Variants in SBF2 observed in about 807,000 individuals in gnomAD.
The protein encoded by SBF2 is myotubularin-related protein 13.
Under a neutral mutation model 225.2 loss-of-function variants are expected in SBF2, and 112 were observed. That is an observed-to-expected ratio of 0.50 (90% CI 0.43 to 0.58). SBF2 has a LOEUF of 0.58. Among genes scored for constraint, SBF2 ranks in the 20% least tolerant of loss-of-function variants. The probability of loss-of-function intolerance (pLI) is 0.00; values close to 1 mark genes in which losing one functional copy is unlikely to be tolerated. For missense variants in SBF2, 1,996 were observed against 2,206.2 expected, an observed-to-expected ratio of 0.90 and a Z score of 1.91; for synonymous variants, 763 against 773.3, an observed-to-expected ratio of 0.99 and a Z score of 0.22.
At position 10,062,139 on chromosome 11, in the gene SBF2, G is replaced by A. The variant is rs144295948; in HGVS notation, c.142-19158C>T. 4.2e-4 allele frequency among the ~76,000 whole-genome samples: 64 copies of A among 152,310 alleles called. 1 individual carries two copies. The East Asian group carries it at 0.011, about 27-fold the overall frequency. ...TACTGGGATAACTGGCTAGCCATAT[G>A]CAGAATACTGAAGCTGGACCCCTTC... On this transcript the variant is annotated intron_variant, in intron 2 of 39. Transcript: ENST00000256190.
At chr11:10,184,309 A>G (rs1449359204) in intron 2 of SBF2, among the ~76,000 whole-genome samples, 1 of 152,138 alleles carries the variant, frequency 6.6e-6, no homozygotes. Context: ...GCCTTATGGG[A>G]TGTCTTGAAA....
chr11:10,131,546 G>A (rs1261528462), intron 2 of SBF2, among the ~76,000 whole-genome samples: 1 of 152,080 alleles, frequency 6.6e-6, no homozygotes, highest in Non-Finnish European at 1.5e-5. Context: ...CGATTCTCCT[G>A]CCTCAGCCTC....
intron 2 of SBF2, among the ~76,000 whole-genome samples, chr11:10,100,043 A>G (rs554553409): frequency 6.6e-6 from 1 of 152,326 alleles, no homozygotes; most frequent in African/African-American, 2.4e-5. Context: ...TTCTTCAATA[A>G]AAAGACAAAG....
rs1304238004 is a variant in SBF2, at chr11:9,790,686, G to T, written c.4571-3C>A. The T allele has an allele frequency of 1.9e-6, 3 of 1,576,534 alleles. No homozygotes were observed. Among genetic ancestry groups the T allele is most frequent in the African/African-American group, 2.7e-5 (2 of 73,824 alleles). On this transcript the variant is annotated splice_polypyrimidine_tract_variant and splice_region_variant and intron_variant, in intron 33 of 39. Coordinates refer to ENST00000256190, the MANE Select transcript of SBF2 (RefSeq NM_030962.4). ...TCCTTTATCATCAAATAAAGTTCCT[G>T]TAGATTAAAAAAATCCAACAAAACA...
At chr11:9,800,963 T>C (rs973533837) in intron 32 of SBF2, among the ~76,000 whole-genome samples, 5 of 152,240 alleles carry the variant, frequency 3.3e-5, no homozygotes, top group African/African-American at 9.6e-5. Flanking sequence ...ATTTTATTGA[T>C]ATTCTCAAAG....
At chr11:10,145,600 T>C (rs1421424769) in intron 2 of SBF2, among the ~76,000 whole-genome samples, 1 of 152,134 alleles carries the variant, frequency 6.6e-6, no homozygotes, top group Non-Finnish European at 1.5e-5. Context: ...ACTTAAATTC[T>C]CCCAAAATAC....
At chr11:10,044,124 A>C (rs917154466) in intron 2 of SBF2, among the ~76,000 whole-genome samples, 4 of 152,176 alleles carry the variant, frequency 2.6e-5, no homozygotes, top group Non-Finnish European at 5.9e-5. Flanking sequence ...TAAGCAAATA[A>C]AGAAAATAAA....
At chr11:9,936,066 G>C (rs1021499077) in intron 16 of SBF2, among the ~76,000 whole-genome samples, 1 of 152,124 alleles carries the variant, frequency 6.6e-6, no homozygotes. Context: ...ATCTGACAAA[G>C]GGCTAATATC....
intron 16 of SBF2, among the ~76,000 whole-genome samples, chr11:9,927,704 GA>G (rs1189157058): frequency 6.6e-6 from 1 of 151,678 alleles, no homozygotes; most frequent in Non-Finnish European, 1.5e-5. Context: ...AAAAGATACG[GA>G]AAAAAAATCT....
chr11:9,933,250 C>T (rs113762080), intron 16 of SBF2, among the ~76,000 whole-genome samples: 17 of 97,946 alleles, frequency 1.7e-4, no homozygotes, highest in African/African-American at 4.5e-4. Flanking sequence ...CACAGATCAA[C>T]GAGACAGAAG....
chr11:10,031,292 T>C lies in SBF2; in HGVS notation c.280-122A>G, dbSNP rs182780882. ...TTCAAAATTAATTATAATATAATTTTAAAAATCAAACTACAAATAAAGAAT... is the reference window on the plus strand; with the variant it reads ...TTCAAAATTAATTATAATATAATTTCAAAAATCAAACTACAAATAAAGAAT... On this transcript the variant is annotated intron_variant, in intron 3 of 39. Transcript: ENST00000256190. The C allele has an allele frequency of 1.1e-5, 10 of 948,572 alleles. No homozygotes were observed. In the South Asian group the frequency reaches 1.6e-4, roughly 15 times the overall value. The allele number at this position is 948,572 out of a possible 1,614,324, so 58.8% of individuals were successfully genotyped here.
intron 1 of SBF2, among the ~76,000 whole-genome samples, chr11:10,249,447 C>T (rs1960130358): frequency 2.0e-5 from 3 of 151,778 alleles, no homozygotes; most frequent in African/African-American, 7.3e-5. Flanking sequence ...CTTTTAAATA[C>T]ACTATCAAAG....
chr11:10,206,651 T>C (rs12275224), intron 1 of SBF2, among the ~76,000 whole-genome samples: 14,476 of 152,090 alleles, frequency 0.095, 966 homozygotes, highest in East Asian at 0.28. Flanking sequence ...AGAAATACGT[T>C]ATAAATCAAA....
intron 1 of SBF2, among the ~76,000 whole-genome samples, chr11:10,260,986 A>C (rs1961373760): frequency 6.6e-6 from 1 of 152,186 alleles, no homozygotes; most frequent in Non-Finnish European, 1.5e-5. Flanking sequence ...CTGTAATAAA[A>C]TGGCAATCCA....
At chr11:9,789,980 G>A (rs1205691729) in intron 34 of SBF2, among the ~76,000 whole-genome samples, 2 of 152,204 alleles carry the variant, frequency 1.3e-5, no homozygotes, top group African/African-American at 4.8e-5. Context: ...CTGGAGGAAG[G>A]CCAGACTAGG....
At chr11:9,849,618 T>C (rs1856784949) in intron 22 of SBF2, among the ~76,000 whole-genome samples, 1 of 152,214 alleles carries the variant, frequency 6.6e-6, no homozygotes, top group African/African-American at 2.4e-5. Flanking sequence ...AACCTTGTGA[T>C]AGTTAGCATA....
At chr11:10,275,292 AC>A (rs1962866639) in intron 1 of SBF2, among the ~76,000 whole-genome samples, 2 of 152,292 alleles carry the variant, frequency 1.3e-5, no homozygotes, top group African/African-American at 2.4e-5. Context: ...CCAAGGTGTT[AC>A]CCCCATTTGT....
At chr11:9,828,819 G>A (rs1855213068) in intron 28 of SBF2, among the ~76,000 whole-genome samples, 1 of 152,164 alleles carries the variant, frequency 6.6e-6, no homozygotes, top group East Asian at 1.9e-4. Flanking sequence ...ATATTTTAAA[G>A]TCTATGAAAG....
intron 1 of SBF2, among the ~76,000 whole-genome samples, chr11:10,250,687 G>T (rs1262546708): frequency 6.6e-6 from 1 of 152,110 alleles, no homozygotes; most frequent in Non-Finnish European, 1.5e-5. Flanking sequence ...ACCAGGTAAA[G>T]AAAGTTTTTA....
Sources: gnomAD v4.1 joint callset for allele counts (sites outside exome capture counted in the v4.1 genomes callset) on GRCh38, gnomAD v4.1.1 for gene constraint, MANE v1.5 for transcripts, NCBI Gene and HGNC (gene_info 2026-07-23, HGNC 2026-07-21) for gene names.